Variants in PTBP2 observed in about 807,000 individuals in gnomAD.
The protein encoded by PTBP2 is polypyrimidine tract-binding protein 2.
In PTBP2, 13 loss-of-function variants were observed where a neutral mutation model predicts 61.4. The ratio of observed to expected loss-of-function variants is 0.21; its 90% CI spans 0.14 to 0.34. The LOEUF is 0.34. Among genes scored for constraint, PTBP2 ranks in the 10% least tolerant of loss-of-function variants. The pLI is 1.00. For synonymous variants in PTBP2, 215 were observed against 218.5 expected (o/e 0.98, Z 0.14); for missense variants, 405 against 642.6 (o/e 0.63, Z 4.00).
chr1:96,790,262 T>C (rs1251885979), intron 8 of PTBP2, among the ~76,000 whole-genome samples: 1 of 152,066 alleles, frequency 6.6e-6, no homozygotes, highest in Admixed American at 6.5e-5. Flanking sequence ...TTGATAAGAT[T>C]TAGAGCCTTT....
downstream of PTBP2, chr1:96,818,390 C>G (rs1662559751): frequency 6.6e-6 from 1 of 152,050 alleles, no homozygotes; most frequent in African/African-American, 2.4e-5. Context: ...TTTATTAATG[C>G]AGATCCCAGA....
intron 2 of PTBP2, among the ~76,000 whole-genome samples, chr1:96,725,500 C>G (rs373076664): frequency 7.2e-5 from 11 of 151,754 alleles, no homozygotes. Context: ...GGGGTTTCAC[C>G]GTGTTAGCCA....
downstream of PTBP2, chr1:96,817,398 TATTC>T (rs1444021794): frequency 1.3e-5 from 2 of 152,132 alleles, no homozygotes; most frequent in Non-Finnish European, 2.9e-5. Flanking sequence ...TAAACCGTAA[TATTC>T]ATTGATTATG....
At chr1:96,804,645 A>G in intron 8 of PTBP2, 155 bp from the exon 9 acceptor site, 3 of 663,124 alleles carry the variant, frequency 4.5e-6, no homozygotes, top group Non-Finnish European at 7.3e-6. Context: ...TCAGCAAACA[A>G]TTTTTCTAAA....
At chr1:96,785,628 A>C (rs1179884461) in intron 8 of PTBP2, among the ~76,000 whole-genome samples, 1 of 152,168 alleles carries the variant, frequency 6.6e-6, no homozygotes, top group Non-Finnish European at 1.5e-5. Context: ...TGTGTTTTTC[A>C]GTGCTGATCT....
chr1:96,778,373 T>A (rs1438337689), intron 7 of PTBP2, among the ~76,000 whole-genome samples: 1 of 126,160 alleles, frequency 7.9e-6, no homozygotes, highest in African/African-American at 3.2e-5. Context: ...AAACTATATA[T>A]TCTCTTTAAT....
At chr1:96,798,722 T>C (rs1660645594) in intron 8 of PTBP2, among the ~76,000 whole-genome samples, 1 of 152,124 alleles carries the variant, frequency 6.6e-6, no homozygotes, top group Admixed American at 6.5e-5. Context: ...ATAATGGACT[T>C]TTGTTGATTT....
chr1:96,773,808 C>T (rs952871751), intron 5 of PTBP2, among the ~76,000 whole-genome samples: 23 of 151,508 alleles, frequency 1.5e-4, no homozygotes, highest in Admixed American at 1.3e-3. Context: ...ACTAAAAATA[C>T]GAAAATTAGC....
intron 3 of PTBP2, among the ~76,000 whole-genome samples, chr1:96,758,798 C>A (rs1023779646): frequency 6.6e-6 from 1 of 152,032 alleles, no homozygotes; most frequent in African/African-American, 2.4e-5. Context: ...TTCCCCTTAG[C>A]TTTCTGCTTA....
chr1:96,751,200 G>T (rs1654491888), intron 2 of PTBP2: 6 of 591,930 alleles, frequency 1.0e-5, no homozygotes, highest in Admixed American at 2.8e-5. Flanking sequence ...TCTATTTATT[G>T]TCTTTTGGGC....
exon 14 of PTBP2, chr1:96,821,603 T>C (rs1356876770): frequency 1.3e-5 from 2 of 151,432 alleles, no homozygotes; most frequent in African/African-American, 4.8e-5. Flanking sequence ...ACTAGCCACA[T>C]AAATTGCTAA....
chr1:96,808,769 A>G (rs142371550), intron 11 of PTBP2, among the ~76,000 whole-genome samples: 1,890 of 152,138 alleles, frequency 0.012, 39 homozygotes, highest in African/African-American at 0.044. Context: ...CCATAAAAGT[A>G]TGTACTGACA....
At chr1:96,807,322 A>G (rs1661591409) in intron 11 of PTBP2, among the ~76,000 whole-genome samples, 1 of 152,186 alleles carries the variant, frequency 6.6e-6, no homozygotes, top group East Asian at 1.9e-4. Flanking sequence ...TCTTAATGCC[A>G]TGTTATTTTA....
chr1:96,751,356 T>A lies in PTBP2; in HGVS notation c.40-69T>A, dbSNP rs186641886. 1.5e-4 allele frequency: 177 copies of A among 1,205,406 alleles called. 2 individuals carry two copies. The East Asian group carries it at 3.6e-3, about 25-fold the overall frequency. 74.7% of individuals were successfully genotyped at this position (1,205,406 alleles called of 1,614,324 possible). The stretch of plus-strand genomic sequence containing the variant: ...AATAGTGTAACATTTGACATTTAAG[T>A]GAAAGGCTTTTAGATTAATATTTTT... On this transcript the variant is annotated intron_variant, in intron 2 of 13. Transcript: ENST00000674951.
chr1:96,820,927 CT>C (rs1662665197), exon 14 of PTBP2: 1 of 152,134 alleles, frequency 6.6e-6, no homozygotes, highest in African/African-American at 2.4e-5. Flanking sequence ...TGACTTACTA[CT>C]TTCAAATAGC....
intron 2 of PTBP2, among the ~76,000 whole-genome samples, chr1:96,744,971 A>G (rs925601781): frequency 3.3e-5 from 5 of 152,270 alleles, no homozygotes; most frequent in African/African-American, 4.8e-5. Flanking sequence ...CCTCTCACAA[A>G]TGTATCCCAT....
At chr1:96,809,021 C>G (rs569536250) in intron 11 of PTBP2, among the ~76,000 whole-genome samples, 1 of 152,224 alleles carries the variant, frequency 6.6e-6, no homozygotes, top group South Asian at 2.1e-4. Flanking sequence ...CAAGACAAAA[C>G]TTAAATACCT....
intron 3 of PTBP2, among the ~76,000 whole-genome samples, chr1:96,767,942 A>G (rs1274004763): frequency 2.0e-5 from 3 of 152,182 alleles, no homozygotes; most frequent in Non-Finnish European, 2.9e-5. Context: ...CTTCTGTACA[A>G]AGACAACCTA....
intron 9 of PTBP2, among the ~76,000 whole-genome samples, chr1:96,806,027 C>T (rs1331162990): frequency 1.3e-5 from 2 of 152,138 alleles, no homozygotes; most frequent in Non-Finnish European, 2.9e-5. Flanking sequence ...TTCCTATGTA[C>T]TGACCTATAT....
Sources: gnomAD v4.1 joint callset for allele counts (sites outside exome capture counted in the v4.1 genomes callset) on GRCh38, gnomAD v4.1.1 for gene constraint, MANE v1.5 for transcripts, NCBI Gene and HGNC (gene_info 2026-07-23, HGNC 2026-07-21) for gene names.